AKAP6: variants seen among roughly 807,000 people sequenced by gnomAD.
AKAP6 encodes the protein A-kinase anchor protein 6.
A neutral mutation model predicts 188.5 loss-of-function variants in AKAP6; 58 were observed. That is an observed-to-expected ratio of 0.31 (90% CI 0.25 to 0.38). The LOEUF is 0.38. AKAP6 is among the 10% of genes least tolerant of loss of function. The probability of loss-of-function intolerance (pLI) is 1.00; values close to 1 mark genes in which losing one functional copy is unlikely to be tolerated. For synonymous variants in AKAP6, 989 were observed against 998.6 expected, an observed-to-expected ratio of 0.99 and a Z score of 0.18; for missense variants, 2,710 against 2,740.0, an observed-to-expected ratio of 0.99 and a Z score of 0.24.
intron 4 of AKAP6, among the ~76,000 whole-genome samples, chr14:32,550,119 A>C (rs950067050): frequency 3.9e-5 from 6 of 152,208 alleles, no homozygotes; most frequent in African/African-American, 1.2e-4. Context: ...GCCTTGTTTC[A>C]TCTTTTGTAA....
chr14:32,582,921 G>T (rs1382579052), intron 5 of AKAP6, among the ~76,000 whole-genome samples: 10 of 152,014 alleles, frequency 6.6e-5, no homozygotes, highest in Admixed American at 2.0e-4. Flanking sequence ...TAACTTCTTT[G>T]CCTTTGGTTT....
chr14:32,496,981 G>T (rs1440625911), intron 2 of AKAP6, among the ~76,000 whole-genome samples: 2 of 152,016 alleles, frequency 1.3e-5, no homozygotes, highest in Admixed American at 1.3e-4. Context: ...TCTTTGTTTG[G>T]TCTCTTAAAA....
chr14:32,371,497 C>T (rs1210239943), intron 1 of AKAP6, among the ~76,000 whole-genome samples: 4 of 152,180 alleles, frequency 2.6e-5, no homozygotes, highest in Admixed American at 2.6e-4. Flanking sequence ...GTCCTAGCTA[C>T]TCAGCAGGCT....
At position 32,615,167 on chromosome 14, in the gene AKAP6, C is replaced by CAAAAAAAAAAAAAAAAAAAA. The variant is rs71115086; in HGVS notation, c.2730+14394_2730+14395insAAAAAAAAAAAAAAAAAAAA. Among the ~76,000 whole-genome samples the CAAAAAAAAAAAAAAAAAAAA allele has an allele frequency of 3.3e-3, 175 of 53,440 alleles. 23 individuals carry two copies. The highest frequency in any genetic ancestry group is 0.011 in the Middle Eastern group (1 of 88). The allele number at this position is 53,440 out of a possible 152,430, so 35.1% of individuals were successfully genotyped here. On this transcript the variant is annotated intron_variant, in intron 7 of 13. Transcript: ENST00000280979. Reference sequence around the variant, plus strand: ...CTGGCAACAGAGCAAGACTCTGTCTCAAAAAAAAAAAAAAAAAAAGATAAA... The same window carrying CAAAAAAAAAAAAAAAAAAAA: ...CTGGCAACAGAGCAAGACTCTGTCTCAAAAAAAAAAAAAAAAAAAAAAAAAAAAAAAAAAAAAAAGATAAA...
rs571007797 is a variant in AKAP6 at position 32,660,753 on chromosome 14, C to T, written c.2731-17558C>T. Among the ~76,000 whole-genome samples, 8 of 152,060 alleles carry T rather than the reference C, an allele frequency of 5.3e-5. No homozygotes were observed. The South Asian group carries it at 8.3e-4, about 16-fold the overall frequency. On this transcript the variant is annotated intron_variant, in intron 7 of 13. Transcript: ENST00000280979. ...AGAGTATATGGAAAGGTTAGATGTTCACAGAGAATATGGAAATGCTAATTA... is the reference window on the plus strand; with the variant it reads ...AGAGTATATGGAAAGGTTAGATGTTTACAGAGAATATGGAAATGCTAATTA...
intron 7 of AKAP6, among the ~76,000 whole-genome samples, chr14:32,652,284 C>T (rs1485545592): frequency 6.6e-6 from 1 of 152,094 alleles, no homozygotes; most frequent in East Asian, 1.9e-4. Flanking sequence ...CCTTTTGTTC[C>T]CAAATGGGAG....
chr14:32,610,400 C>A (rs1886304262), intron 7 of AKAP6, among the ~76,000 whole-genome samples: 2 of 152,106 alleles, frequency 1.3e-5, no homozygotes, highest in South Asian at 4.1e-4. Context: ...TTTTCTCATT[C>A]CCTCCATCTA....
intron 3 of AKAP6, among the ~76,000 whole-genome samples, chr14:32,538,423 A>C (rs2139125672): frequency 6.6e-6 from 1 of 152,346 alleles, no homozygotes; most frequent in African/African-American, 2.4e-5. Flanking sequence ...TCTGGAAGTT[A>C]GTTAAATTTC....
At chr14:32,653,325 TCC>T (rs1211203677) in intron 7 of AKAP6, among the ~76,000 whole-genome samples, 11 of 152,114 alleles carry the variant, frequency 7.2e-5, no homozygotes. Context: ...TGAATTGTAA[TCC>T]CCAATGCTGG....
intron 7 of AKAP6, among the ~76,000 whole-genome samples, chr14:32,601,160 A>G (rs537842850): frequency 3.3e-5 from 5 of 152,338 alleles, no homozygotes; most frequent in East Asian, 1.9e-4. Flanking sequence ...AATCAGTGCA[A>G]TCACTCAGCT....
intron 9 of AKAP6, among the ~76,000 whole-genome samples, chr14:32,713,963 G>T (rs2030038644): frequency 1.3e-5 from 2 of 151,990 alleles, no homozygotes; most frequent in African/African-American, 4.8e-5. Flanking sequence ...TACCTGAATT[G>T]CTCACAAAGC....
intron 1 of AKAP6, among the ~76,000 whole-genome samples, chr14:32,364,605 C>A (rs1887768336): frequency 1.3e-5 from 2 of 152,238 alleles, no homozygotes; most frequent in African/African-American, 4.8e-5. Flanking sequence ...TAGACCATAT[C>A]CTCCCTCTCC....
intron 2 of AKAP6, among the ~76,000 whole-genome samples, chr14:32,472,826 G>T (rs1017004509): frequency 7.2e-5 from 11 of 152,098 alleles, no homozygotes; most frequent in African/African-American, 2.4e-4. Context: ...TGAAACAACA[G>T]CTGGGTAATT....
chr14:32,765,402 A>G (rs1475689128), intron 11 of AKAP6, among the ~76,000 whole-genome samples: 1 of 152,220 alleles, frequency 6.6e-6, no homozygotes, highest in Non-Finnish European at 1.5e-5. Context: ...AATAGATTAC[A>G]GTTTCATAAG....
At chr14:32,678,599 T>G in intron 8 of AKAP6, 140 bp downstream of exon 8, 1 of 961,210 alleles carries the variant, frequency 1.0e-6, no homozygotes, top group South Asian at 1.9e-5. Context: ...TAATGTTCTT[T>G]TCCATTTGTG....
intron 9 of AKAP6, chr14:32,718,239 G>T (rs562982474): frequency 6.3e-4 from 613 of 973,384 alleles, no homozygotes; most frequent in Non-Finnish European, 7.2e-4. Context: ...TTTCCCCATG[G>T]GCTTGCCATA....
intron 9 of AKAP6, among the ~76,000 whole-genome samples, chr14:32,723,549 GTA>G (rs1344065881): frequency 5.3e-4 from 77 of 144,904 alleles, no homozygotes; most frequent in African/African-American, 1.5e-3. Context: ...ATATGTGTGC[GTA>G]TGTGTTTATG....
At chr14:32,732,827 C>A in intron 10 of AKAP6, 2 of 610,856 alleles carry the variant, frequency 3.3e-6, no homozygotes, top group Non-Finnish European at 5.7e-6. Context: ...AATTTTGGTT[C>A]TTTAATACAT....
At chr14:32,740,128 A>G (rs2031609685) in intron 11 of AKAP6, among the ~76,000 whole-genome samples, 1 of 152,066 alleles carries the variant, frequency 6.6e-6, no homozygotes, top group Non-Finnish European at 1.5e-5. Flanking sequence ...ATGCTCAATG[A>G]TGTTGAGTCC....
Sources: gnomAD v4.1 joint callset for allele counts (sites outside exome capture counted in the v4.1 genomes callset) on GRCh38, gnomAD v4.1.1 for gene constraint, MANE v1.5 for transcripts, NCBI Gene and HGNC (gene_info 2026-07-23, HGNC 2026-07-21) for gene names.